SH3PXD2B: variants seen among roughly 807,000 people sequenced by gnomAD.
SH3PXD2B encodes SH3 and PX domain-containing protein 2B.
Under a neutral mutation model 73.1 loss-of-function variants are expected in SH3PXD2B, and 37 were observed. That is an observed-to-expected ratio of 0.51 (90% CI 0.39 to 0.67). SH3PXD2B has a LOEUF of 0.67. SH3PXD2B is among the 30% of genes least tolerant of loss of function. The probability of loss-of-function intolerance (pLI) is 0.00; values close to 1 mark genes in which losing one functional copy is unlikely to be tolerated. For missense variants in SH3PXD2B, 1,053 were observed against 1,197.8 expected (o/e 0.88, Z 1.78); for synonymous variants, 457 against 480.5 (o/e 0.95, Z 0.64).
At chr5:172,329,542 T>TTTTTTTC (rs1756515968), downstream of SH3PXD2B, among the ~76,000 whole-genome samples, 1 of 129,182 alleles carries the variant, frequency 7.7e-6, no homozygotes, top group African/African-American at 2.8e-5. Flanking sequence ...TTGTTATTCT[T>TTTTTTTC]TTTTTTTTTT....
At chr5:172,376,489 A>G (rs981899740) in intron 5 of SH3PXD2B, among the ~76,000 whole-genome samples, 5 of 152,182 alleles carry the variant, frequency 3.3e-5, no homozygotes, top group African/African-American at 1.2e-4. Context: ...TGTCTACTCA[A>G]TGTGTCTGGG....
At chr5:172,348,655 CTATCTATCTATCT>C (rs1757063016) in intron 10 of SH3PXD2B, among the ~76,000 whole-genome samples, 1 of 31,994 alleles carries the variant, frequency 3.1e-5, no homozygotes, top group African/African-American at 1.1e-4. Flanking sequence ...TCTATCTATC[CTATCTATCTATCT>C]ATCTATCTAT....
chr5:172,350,836 C>G (rs1325736874), intron 9 of SH3PXD2B, among the ~76,000 whole-genome samples: 1 of 152,244 alleles, frequency 6.6e-6, no homozygotes. Context: ...CCATGTCCCA[C>G]CCAGCCAGCA....
chr5:172,439,926 C>A (rs1759514414), intron 1 of SH3PXD2B, among the ~76,000 whole-genome samples: 1 of 152,190 alleles, frequency 6.6e-6, no homozygotes, highest in South Asian at 2.1e-4. Context: ...TCACGCACTG[C>A]TACTCACACA....
rs1756663692 is a variant in SH3PXD2B at position 172,335,422 on chromosome 5, G to C, written c.*2947C>G. On this transcript the variant is annotated 3_prime_UTR_variant, in exon 13 of 13. Coordinates refer to ENST00000311601, the MANE Select transcript of SH3PXD2B (RefSeq NM_001017995.3). ...AGAAAAGTCATGGACACGAGGGAAA[G>C]AACAACAACAACAAAACCAAACAAA... The C allele has an allele frequency of 8.3e-7, 1 of 1,202,982 alleles. No individual in the cohort carries two copies. Among genetic ancestry groups the C allele is most frequent in the Non-Finnish European group, 1.0e-6 (1 of 976,796 alleles). The allele number at this position is 1,202,982 out of a possible 1,614,324, so 74.5% of individuals were successfully genotyped here. A position where few individuals can be genotyped will look rare whatever the true frequency, so the allele number is the denominator to read the frequency against.
At position 172,338,813 on chromosome 5, in the gene SH3PXD2B, G is replaced by A. The variant is rs1167829640; in HGVS notation, c.2292C>T (p.Pro764=). Residue 764 remains proline (P), a synonymous_variant, in exon 13 of 13, where the codon CCC becomes CCT. Transcript: ENST00000311601. The surrounding 1 kb of genome is among the most constrained non-coding windows in gnomAD (Gnocchi z 5.1). The part of the protein sequence containing the change: ...RPVVPPRRPP[P]PKKTSSSSRP... ...TGGATGACGAAGAGGTTTTCTTTGGGGGAGGTGGTCTGCGGGGTGGGACCA... is the reference window on the plus strand; with the variant it reads ...TGGATGACGAAGAGGTTTTCTTTGGAGGAGGTGGTCTGCGGGGTGGGACCA... 1.2e-6 allele frequency: 2 copies of A among 1,614,040 alleles called. No individual in the cohort carries two copies. The highest frequency in any genetic ancestry group is 1.1e-5 in the South Asian group (1 of 91,092).
Position 172,382,920 on chromosome 5 carries a change from T to C in SH3PXD2B, c.310-793A>G, listed in dbSNP as rs368467106. 3.3e-5 allele frequency among the ~76,000 whole-genome samples: 5 copies of C among 151,418 alleles called. 1 individual carries two copies. Among genetic ancestry groups the C allele is most frequent in the East Asian group, 3.9e-4 (2 of 5,156 alleles). On this transcript the variant is annotated intron_variant, in intron 4 of 12. Transcript: ENST00000311601. ...ATTTTTTTTTTTTTTGTATTTTTAG[T>C]AGAGACAGGGTTTCGGCATGTTGGC...
chr5:172,333,022 G>A (rs189884676), downstream of SH3PXD2B, among the ~76,000 whole-genome samples: 794 of 149,346 alleles, frequency 5.3e-3, 14 homozygotes, highest in African/African-American at 0.019. Context: ...TGCAACCTCC[G>A]CCTCCCGGGT....
chr5:172,436,952 C>A (rs1246315763), intron 1 of SH3PXD2B, among the ~76,000 whole-genome samples: 2 of 152,176 alleles, frequency 1.3e-5, no homozygotes, highest in Non-Finnish European at 2.9e-5. Context: ...TTTCAGAAGG[C>A]AGCTAGCTGT....
intron 3 of SH3PXD2B, among the ~76,000 whole-genome samples, chr5:172,398,965 G>A (rs1015620741): frequency 4.6e-5 from 7 of 152,094 alleles, no homozygotes; most frequent in Non-Finnish European, 7.4e-5. Flanking sequence ...TTAGTGGAGT[G>A]GTGTTTTCTT....
Position 172,347,380 on chromosome 5 carries a change from C to A in SH3PXD2B, c.1013-48G>T, listed in dbSNP as rs780131177. The A allele has an allele frequency of 3.1e-6, 5 of 1,601,984 alleles. No homozygotes were observed. The African/African-American group carries it at 5.4e-5, about 17-fold the overall frequency. On this transcript the variant is annotated intron_variant, in intron 10 of 12. Coordinates refer to ENST00000311601, the MANE Select transcript of SH3PXD2B (RefSeq NM_001017995.3). Reference sequence around the variant, plus strand: ...TACATCTTGTGCTACAGATGAGATTCCTGAGCTGGGTGCCAGGTCGGGTCT... The same window carrying A: ...TACATCTTGTGCTACAGATGAGATTACTGAGCTGGGTGCCAGGTCGGGTCT...
Position 172,336,925 on chromosome 5 carries a change from A to C in SH3PXD2B, c.*1444T>G, listed in dbSNP as rs146652734. 3.8e-5 allele frequency: 37 copies of C among 985,496 alleles called. No individual in the cohort carries two copies. The highest frequency in any genetic ancestry group is 4.3e-5 in the Non-Finnish European group (36 of 830,020). The allele number at this position is 985,496 out of a possible 1,614,324, so 61.0% of individuals were successfully genotyped here. A position where few individuals can be genotyped will look rare whatever the true frequency, so the allele number is the denominator to read the frequency against. On this transcript the variant is annotated 3_prime_UTR_variant, in exon 13 of 13. Transcript: ENST00000311601. ...TTGGCAGTGCGTGAAAAAAGAAAAA[A>C]ACATTACAAATGCCGGAGAGGCACA...
intron 1 of SH3PXD2B, among the ~76,000 whole-genome samples, chr5:172,430,272 C>T (rs1326587800): frequency 6.6e-6 from 1 of 152,236 alleles, no homozygotes; most frequent in African/African-American, 2.4e-5. Context: ...TTCCCACAGC[C>T]CGTCCCACCT....
At chr5:172,326,206 C>T (rs1159731294) in intron 12 of SH3PXD2B, among the ~76,000 whole-genome samples, 2 of 152,208 alleles carry the variant, frequency 1.3e-5, no homozygotes, top group East Asian at 1.9e-4. Flanking sequence ...AACTAACATG[C>T]ACCACCCAAC....
At chr5:172,341,423 C>G (rs1292167260) in intron 12 of SH3PXD2B, among the ~76,000 whole-genome samples, 1 of 152,080 alleles carries the variant, frequency 6.6e-6, no homozygotes, top group Non-Finnish European at 1.5e-5. Context: ...TAATGAGTTC[C>G]CATGGGATCT....
rs1440672001 is a variant in SH3PXD2B at position 172,348,654 on chromosome 5, C to CTATCCTATCTATCTATCTGTCTGT, written c.1013-1323_1013-1322insACAGACAGATAGATAGATAGGATA. Among the ~76,000 whole-genome samples, 21 of 60,434 alleles carry CTATCCTATCTATCTATCTGTCTGT rather than the reference C, an allele frequency of 3.5e-4. 1 individual carries two copies. Among genetic ancestry groups the CTATCCTATCTATCTATCTGTCTGT allele is most frequent in the African/African-American group, 1.3e-3 (21 of 16,014 alleles). 39.6% of individuals were successfully genotyped at this position (60,434 alleles called of 152,430 possible). ...TCTATCTATGTATCTATCTATCTAT[C>CTATCCTATCTATCTATCTGTCTGT]CTATCTATCTATCTATCTATCTATC... is the stretch of plus-strand genomic sequence containing the variant. On this transcript the variant is annotated intron_variant, in intron 10 of 12. Coordinates refer to ENST00000311601, the MANE Select transcript of SH3PXD2B (RefSeq NM_001017995.3).
intron 2 of SH3PXD2B, among the ~76,000 whole-genome samples, chr5:172,413,304 C>T (rs1041540758): frequency 3.9e-5 from 6 of 152,196 alleles, no homozygotes; most frequent in South Asian, 2.1e-4. Flanking sequence ...GGCCCCTCCA[C>T]GAGCTGGTCT....
At chr5:172,436,629 C>T (rs947869112) in intron 1 of SH3PXD2B, among the ~76,000 whole-genome samples, 2 of 152,168 alleles carry the variant, frequency 1.3e-5, no homozygotes, top group Non-Finnish European at 2.9e-5. Flanking sequence ...GCCCTCTGCT[C>T]CAGACTGCTG....
rs563494429 is a variant in SH3PXD2B at position 172,361,266 on chromosome 5, G to C, written c.562+1469C>G. Among the ~76,000 whole-genome samples the C allele has an allele frequency of 2.6e-5, 4 of 152,236 alleles. No homozygotes were observed. In the East Asian group the frequency reaches 7.7e-4, roughly 29 times the overall value. On this transcript the variant is annotated intron_variant, in intron 7 of 12. Transcript: ENST00000311601. ...AAAGATTCATACCTAATGGATAGAA[G>C]GGCTATCTAGGGTTCAGAAAGGGGG...
Sources: gnomAD v4.1 joint callset for allele counts (sites outside exome capture counted in the v4.1 genomes callset) on GRCh38, gnomAD v4.1.1 for gene constraint, Gnocchi (gnomAD v3.1) non-coding constraint, MANE v1.5 for transcripts, NCBI Gene and HGNC (gene_info 2026-07-23, HGNC 2026-07-21) for gene names.